Variants in TCTN1 observed in about 807,000 individuals in gnomAD.
TCTN1 encodes the protein tectonic family member 1.
A neutral mutation model predicts 65.8 loss-of-function variants in TCTN1; 58 were observed. The ratio of observed to expected loss-of-function variants is 0.88; its 90% CI spans 0.71 to 1.10. The LOEUF is 1.10. Among genes scored for constraint, TCTN1 ranks in the 50% least tolerant of loss-of-function variants. The pLI is 0.00. For missense variants in TCTN1, 645 were observed against 719.4 expected (o/e 0.90, Z 1.18); for synonymous variants, 273 against 289.1 (o/e 0.94, Z 0.57).
At chr12:110,623,288 G>A (rs1233504395) in intron 2 of TCTN1, among the ~76,000 whole-genome samples, 1 of 152,178 alleles carries the variant, frequency 6.6e-6, no homozygotes, top group East Asian at 1.9e-4. Flanking sequence ...TCGTTACCCA[G>A]CCTTGGCCAT....
At chr12:110,642,226 T>C in intron 10 of TCTN1, 23 bp from the exon 11 acceptor site, 1 of 1,614,126 alleles carries the variant, frequency 6.2e-7, no homozygotes, top group Non-Finnish European at 8.5e-7. Flanking sequence ...CACTAGGCAG[T>C]TGTCCCTTAA....
At chr12:110,626,223 G>A in intron 2 of TCTN1, 139 bp from the exon 3 acceptor site, 1 of 1,017,218 alleles carries the variant, frequency 9.8e-7, no homozygotes, top group Non-Finnish European at 1.4e-6. Flanking sequence ...CAAGTAGCTG[G>A]GACGTCATGC....
intron 2 of TCTN1, among the ~76,000 whole-genome samples, chr12:110,620,646 C>T (rs1366261525): frequency 2.0e-5 from 3 of 151,930 alleles, no homozygotes; most frequent in Non-Finnish European, 2.9e-5. Flanking sequence ...GTATTTGTAA[C>T]AAAAAATTAG....
In TCTN1 at chr12:110,641,929, A is replaced by G. The variant is rs996855099; in HGVS notation, c.1190+302A>G. The G allele has an allele frequency of 7.2e-6, 4 of 556,068 alleles. No individual in the cohort carries two copies. The African/African-American group carries it at 7.5e-5, about 10-fold the overall frequency. 34.4% of individuals were successfully genotyped at this position (556,068 alleles called of 1,614,324 possible). ...CCACAAAATATGTCAGTGTTTTACA[A>G]CGAAAATCTTAAGAGAGAAAAGTTG... On this transcript the variant is annotated intron_variant, in intron 10 of 14. Transcript: ENST00000397659.
At chr12:110,628,322 G>T in intron 3 of TCTN1, 9 of 1,216,446 alleles carry the variant, frequency 7.4e-6, no homozygotes, top group Non-Finnish European at 9.1e-6. Flanking sequence ...CCTGGGAGAA[G>T]TGAATATGGA....
chr12:110,641,245 C>G (rs1474626874), intron 9 of TCTN1, 96 bp downstream of exon 9: 1 of 1,539,260 alleles, frequency 6.5e-7, no homozygotes, highest in East Asian at 2.3e-5. Context: ...AGTATTACAT[C>G]CAAGCCTTTG....
In TCTN1 at chr12:110,634,764, C is replaced by A; in HGVS notation, c.807C>A (p.Ser269Arg). 1 of 1,609,568 alleles carries A rather than the reference C, an allele frequency of 6.2e-7. No individual in the cohort carries two copies. Among genetic ancestry groups the A allele is most frequent in the Non-Finnish European group, 8.5e-7 (1 of 1,177,524 alleles). Residue 269 changes from serine to arginine, a missense_variant, in exon 6 of 15, where the codon AGC (serine) becomes AGA (arginine). By Grantham distance (110) the Ser-to-Arg change is moderately radical. Coordinates refer to ENST00000397659, the MANE Select transcript of TCTN1 (RefSeq NM_001082538.3). ...IEALSMAFYSSPEILRVPDSR... is the reference protein window; with the variant it reads ...IEALSMAFYSRPEILRVPDSR... ...CCCTCAGCATGGCTTTTTACAGCAG[C>A]CCGGAAATTCTGAGGGTAAGAATTA... is the stretch of plus-strand genomic sequence containing the variant.
rs2065841135 is a variant in TCTN1, at chr12:110,626,352, T to A, written c.342-10T>A. 2 of 1,557,648 alleles carry A rather than the reference T, an allele frequency of 1.3e-6. No individual in the cohort carries two copies. The highest frequency in any genetic ancestry group is 1.4e-5 in the African/African-American group (1 of 73,462). On this transcript the variant is annotated splice_polypyrimidine_tract_variant and intron_variant, in intron 2 of 14. Coordinates refer to ENST00000397659, the MANE Select transcript of TCTN1 (RefSeq NM_001082538.3). ...TTGTAACTTTGTATTATTATTTTTT[T>A]AATTTTCAGGGGCGACAGCCAGTTT...
At position 110,640,981 on chromosome 12, in the gene TCTN1, A is replaced by G. The variant is rs1191305471; in HGVS notation, c.979-43A>G. ...TTCAGTTATTCATACAGCTTCTGAAATGTAATGGAACAGGTATATTTGGAG... is the reference window on the plus strand; with the variant it reads ...TTCAGTTATTCATACAGCTTCTGAAGTGTAATGGAACAGGTATATTTGGAG... On this transcript the variant is annotated intron_variant, in intron 8 of 14. Transcript: ENST00000397659. This position sits in a 1 kb window ranked among gnomAD's most constrained non-coding sequence, Gnocchi z 4.9. 1.2e-6 allele frequency: 2 copies of G among 1,613,944 alleles called. No individual in the cohort carries two copies. The highest frequency in any genetic ancestry group is 1.3e-5 in the African/African-American group (1 of 75,050).
At chr12:110,646,920 G>A in intron 12 of TCTN1, 1 of 447,552 alleles carries the variant, frequency 2.2e-6, no homozygotes, top group South Asian at 2.1e-5. Flanking sequence ...ATGGTCCACA[G>A]TTGGGTATTG....
Position 110,619,849 on chromosome 12 carries a change from T to G in TCTN1, c.234T>G (p.Cys78Trp), listed in dbSNP as rs772314385. 1 of 1,614,096 alleles carries G rather than the reference T, an allele frequency of 6.2e-7. No individual in the cohort carries two copies. The highest frequency in any genetic ancestry group is 8.5e-7 in the Non-Finnish European group (1 of 1,180,052). The change falls in exon 2 of 15, where the codon TGT (cysteine) becomes TGG (tryptophan). Residue 78 changes from cysteine to tryptophan, a missense_variant. Physicochemically the swap from Cys to Trp is radical, Grantham distance 215 (BLOSUM62 -2). Coordinates refer to ENST00000397659, the MANE Select transcript of TCTN1 (RefSeq NM_001082538.3). ...PTPVTDVAVL[C>W]VCDLSPAQCD... is the part of the protein sequence containing the mutation. ...TTTTTTCTGCAGTTGCTGTTCTCTGTGTCTGTGACTTATCCCCAGCACAGT... is the reference window on the plus strand; with the variant it reads ...TTTTTTCTGCAGTTGCTGTTCTCTGGGTCTGTGACTTATCCCCAGCACAGT...
At chr12:110,635,442 C>G (rs113719308) in intron 6 of TCTN1, among the ~76,000 whole-genome samples, 3,733 of 152,170 alleles carry the variant, frequency 0.025, 130 homozygotes, top group African/African-American at 0.08. Context: ...TAATGAGACC[C>G]TGTCCCTACA....
chr12:110,621,476 A>ATT (rs879348737), intron 2 of TCTN1, among the ~76,000 whole-genome samples: 4 of 139,890 alleles, frequency 2.9e-5, no homozygotes, highest in Non-Finnish European at 3.1e-5. Flanking sequence ...ACTTGGGGCT[A>ATT]TTTTTTTTTT....
chr12:110,648,362 T>C (rs2067528201), intron 14 of TCTN1, among the ~76,000 whole-genome samples: 1 of 152,208 alleles, frequency 6.6e-6, no homozygotes, highest in Non-Finnish European at 1.5e-5. Context: ...GGAAATGTTA[T>C]TCTATCTGAC....
chr12:110,626,232 G>T (rs2065833701), intron 2 of TCTN1, 130 bp from the exon 3 acceptor site: 1 of 1,117,742 alleles, frequency 8.9e-7, no homozygotes, highest in East Asian at 2.8e-5. Flanking sequence ...GGGACGTCAT[G>T]CTTTCATAAA....
At chr12:110,616,868 T>C (rs530736734) in intron 1 of TCTN1, 1 of 152,422 alleles carries the variant, frequency 6.6e-6, no homozygotes, top group African/African-American at 2.4e-5. Context: ...ATCTTGAATC[T>C]GGGCTCTGTT....
intron 2 of TCTN1, among the ~76,000 whole-genome samples, chr12:110,620,666 C>T (rs1428088495): frequency 1.3e-5 from 2 of 152,050 alleles, no homozygotes; most frequent in Non-Finnish European, 2.9e-5. Context: ...GATAAGAAAT[C>T]TGTACTTTTC....
At chr12:110,648,028 GTGGTGTGATCA>G in intron 14 of TCTN1, 135 bp downstream of exon 14, 2 of 1,355,306 alleles carry the variant, frequency 1.5e-6, no homozygotes, top group Non-Finnish European at 2.0e-6. Flanking sequence ...CTGGAGTGCA[GTGGTGTGATCA>G]TGGCTCACTG....
At chr12:110,637,776 C>T (rs559242270) in intron 7 of TCTN1, among the ~76,000 whole-genome samples, 1 of 152,308 alleles carries the variant, frequency 6.6e-6, no homozygotes, top group South Asian at 2.1e-4. Flanking sequence ...GATTTTACCA[C>T]TCAAAACTGG....
Sources: allele counts gnomAD v4.1 joint callset (sites outside exome capture counted in the v4.1 genomes callset), GRCh38; gene constraint gnomAD v4.1.1; non-coding constraint Gnocchi (gnomAD v3.1); transcripts MANE v1.5; gene names NCBI Gene and HGNC (gene_info 2026-07-23, HGNC 2026-07-21).